CDH12: variants seen among roughly 807,000 people sequenced by gnomAD.
The protein encoded by CDH12 is cadherin 12.
CDH12 carries 41 observed loss-of-function variants against 74.1 expected under a neutral mutation model. The ratio of observed to expected loss-of-function variants is 0.55; its 90% CI spans 0.43 to 0.72. CDH12 has a LOEUF of 0.72. CDH12 is among the 30% of genes least tolerant of loss of function. The pLI is 0.00. For missense variants in CDH12, 945 were observed against 977.2 expected, an observed-to-expected ratio of 0.97 and a Z score of 0.44; for synonymous variants, 399 against 355.0, an observed-to-expected ratio of 1.12 and a Z score of -1.39.
At chr5:22,043,398 C>G (rs1739709952) in intron 5 of CDH12, among the ~76,000 whole-genome samples, 1 of 152,124 alleles carries the variant, frequency 6.6e-6, no homozygotes, top group African/African-American at 2.4e-5. Context: ...TTCAACATCC[C>G]TTCCCAATGA....
At chr5:22,519,880 T>A (rs758578509) in intron 1 of CDH12, among the ~76,000 whole-genome samples, 2 of 152,136 alleles carry the variant, frequency 1.3e-5, no homozygotes, top group East Asian at 3.9e-4. Context: ...TATAATAATG[T>A]TTGTAAATTA....
intron 5 of CDH12, among the ~76,000 whole-genome samples, chr5:22,057,949 C>T (rs1316122887): frequency 1.3e-5 from 2 of 152,130 alleles, no homozygotes; most frequent in Non-Finnish European, 2.9e-5. Context: ...AGAGTTGTTT[C>T]AACCATTTCT....
At chr5:22,053,060 C>A (rs1191487582) in intron 5 of CDH12, among the ~76,000 whole-genome samples, 1 of 150,006 alleles carries the variant, frequency 6.7e-6, no homozygotes, top group Non-Finnish European at 1.5e-5. Flanking sequence ...CTGAGGGTCT[C>A]TCGTTTTTTT....
chr5:22,029,329 C>T (rs889757147), intron 5 of CDH12, among the ~76,000 whole-genome samples: 3 of 152,012 alleles, frequency 2.0e-5, no homozygotes, highest in Admixed American at 2.0e-4. Context: ...ACAGGCAACC[C>T]ACAAAATGGG....
At chr5:22,604,662 A>G (rs939300624) in intron 1 of CDH12, among the ~76,000 whole-genome samples, 6 of 152,130 alleles carry the variant, frequency 3.9e-5, no homozygotes, top group Non-Finnish European at 8.8e-5. Flanking sequence ...GCACCAACCA[A>G]CATGCTCTCA....
intron 1 of CDH12, chr5:22,638,715 G>A (rs969553418): frequency 5.3e-5 from 8 of 152,134 alleles, no homozygotes; most frequent in African/African-American, 1.2e-4. Context: ...GTAGAGGTAT[G>A]CTCAGGAGTT....
At chr5:22,721,739 G>A (rs1434635340) in intron 1 of CDH12, among the ~76,000 whole-genome samples, 1 of 152,138 alleles carries the variant, frequency 6.6e-6, no homozygotes, top group African/African-American at 2.4e-5. Flanking sequence ...CATGGTGGAA[G>A]GTGATTGGAT....
chr5:22,350,044 A>G (rs1320256864), intron 3 of CDH12, among the ~76,000 whole-genome samples: 2 of 152,234 alleles, frequency 1.3e-5, no homozygotes, highest in Admixed American at 6.5e-5. Context: ...CTGTAAACGT[A>G]TACATTGTAA....
chr5:22,476,710 AAAT>A (rs1330397940), intron 2 of CDH12, among the ~76,000 whole-genome samples: 2 of 152,188 alleles, frequency 1.3e-5, no homozygotes, highest in African/African-American at 4.8e-5. Context: ...ACTGTTCTAA[AAAT>A]TGTCTATAGA....
chr5:22,007,155 T>TTAGCTC (rs1054909725), intron 5 of CDH12, among the ~76,000 whole-genome samples: 2 of 152,166 alleles, frequency 1.3e-5, no homozygotes, highest in African/African-American at 4.8e-5. Context: ...GATAGCACTA[T>TTAGCTC]ATAAGGAAAC....
intron 4 of CDH12, among the ~76,000 whole-genome samples, chr5:22,190,779 T>C (rs2150345785): frequency 6.6e-6 from 1 of 152,310 alleles, no homozygotes; most frequent in East Asian, 1.9e-4. Context: ...CAGAAGCCTG[T>C]TGACTTCAAT....
chr5:22,321,652 ATAAAT>A (rs1210887510), intron 3 of CDH12, among the ~76,000 whole-genome samples: 2 of 152,004 alleles, frequency 1.3e-5, no homozygotes, highest in African/African-American at 2.4e-5. Flanking sequence ...AATAAAAAAA[ATAAAT>A]TAAAAAAAAG....
chr5:22,097,285 C>T (rs1354010690), intron 4 of CDH12, among the ~76,000 whole-genome samples: 1 of 152,200 alleles, frequency 6.6e-6, no homozygotes, highest in Non-Finnish European at 1.5e-5. Flanking sequence ...TGACTGACTC[C>T]TTCCCAGCTC....
intron 3 of CDH12, among the ~76,000 whole-genome samples, chr5:22,220,284 A>G: frequency 6.6e-6 from 1 of 151,846 alleles, no homozygotes; most frequent in East Asian, 1.9e-4. Flanking sequence ...TTGAGAAAAT[A>G]TTGTGCATTG....
At chr5:22,359,009 A>C (rs6890427) in intron 3 of CDH12, among the ~76,000 whole-genome samples, 67,807 of 152,000 alleles carry the variant, frequency 0.45, 16,320 homozygotes, top group Non-Finnish European at 0.54. Context: ...TGCTAGGAAG[A>C]AACTGCATCA....
chr5:21,836,219 A>G lies in CDH12; in HGVS notation c.814+5942T>C, dbSNP rs544015240. On this transcript the variant is annotated intron_variant, in intron 8 of 14. Coordinates refer to ENST00000382254, the MANE Select transcript of CDH12 (RefSeq NM_004061.5). Reference sequence around the variant, plus strand: ...TAATACAACTATGTTTTATTCTGCAATTATTGTGTAAATGATGTTTTACTG... The same window carrying G: ...TAATACAACTATGTTTTATTCTGCAGTTATTGTGTAAATGATGTTTTACTG... 1.3e-3 allele frequency among the ~76,000 whole-genome samples: 192 copies of G among 151,870 alleles called. 3 individuals are homozygous for G. Among genetic ancestry groups the G allele is most frequent in the Non-Finnish European group, 2.0e-3 (136 of 67,790 alleles).
At chr5:22,698,713 ATATATATATATATATATATATAGTGTGT>A (rs1179235497) in intron 1 of CDH12, among the ~76,000 whole-genome samples, 2,077 of 23,750 alleles carry the variant, frequency 0.087, 320 homozygotes, top group East Asian at 0.31. Context: ...ATATATATAT[ATATATATATATATATATATATAGTGTGT>A]GTGTGTGTGT....
chr5:22,700,417 T>C (rs1192593924), intron 1 of CDH12, among the ~76,000 whole-genome samples: 1 of 152,228 alleles, frequency 6.6e-6, no homozygotes, highest in Admixed American at 6.5e-5. Flanking sequence ...TGTCAAGGCA[T>C]GGCTGCCTAT....
At chr5:22,098,871 G>C (rs987579541) in intron 4 of CDH12, among the ~76,000 whole-genome samples, 1 of 152,232 alleles carries the variant, frequency 6.6e-6, no homozygotes, top group Non-Finnish European at 1.5e-5. Context: ...GCAAAGGCAG[G>C]CTATGCTATA....
Sources: gnomAD v4.1 joint callset for allele counts (sites outside exome capture counted in the v4.1 genomes callset) on GRCh38, gnomAD v4.1.1 for gene constraint, MANE v1.5 for transcripts, NCBI Gene and HGNC (gene_info 2026-07-23, HGNC 2026-07-21) for gene names.